Variants in CACNA1D observed in about 807,000 individuals in gnomAD.
CACNA1D encodes the protein calcium voltage-gated channel subunit alpha1 D.
A neutral mutation model predicts 257.1 loss-of-function variants in CACNA1D; 55 were observed. The ratio of observed to expected loss-of-function variants is 0.21; its 90% CI spans 0.17 to 0.27. CACNA1D has a LOEUF of 0.27. Ranked by LOEUF, CACNA1D falls within the 10% of genes least tolerant of loss-of-function variation. CACNA1D has a pLI of 1.00. For missense variants in CACNA1D, 1,876 were observed against 2,784.0 expected (o/e 0.67, Z 7.34); for synonymous variants, 980 against 1,014.9 (o/e 0.97, Z 0.65).
intron 3 of CACNA1D, among the ~76,000 whole-genome samples, chr3:53,540,254 GA>G (rs540649262): frequency 6.1e-4 from 93 of 151,730 alleles, no homozygotes; most frequent in African/African-American, 1.7e-3. Flanking sequence ...GAGTAGTGGG[GA>G]TTACAGACAT....
intron 4 of CACNA1D, among the ~76,000 whole-genome samples, chr3:53,656,534 C>T (rs2094149282): frequency 6.6e-6 from 1 of 151,894 alleles, no homozygotes; most frequent in African/African-American, 2.4e-5. Context: ...AGAGATGTCT[C>T]GGGACACAAA....
chr3:53,782,388 G>A (rs2095431056), intron 39 of CACNA1D: 1 of 151,388 alleles, frequency 6.6e-6, no homozygotes, highest in South Asian at 2.1e-4. Flanking sequence ...TAAAGGTGCA[G>A]GATCTGTTCA....
chr3:53,732,493 C>T (rs1412143087), intron 18 of CACNA1D, among the ~76,000 whole-genome samples: 4 of 152,160 alleles, frequency 2.6e-5, no homozygotes, highest in Non-Finnish European at 5.9e-5. Context: ...GAGGAGGTTA[C>T]TGGGGAAACA....
chr3:53,507,088 A>AC (rs2090884315), intron 3 of CACNA1D, among the ~76,000 whole-genome samples: 1 of 151,096 alleles, frequency 6.6e-6, no homozygotes, highest in South Asian at 2.1e-4. Context: ...AAAAAAAAAA[A>AC]AAAAACAAAA....
chr3:53,779,471 G>A (rs2095415045), intron 37 of CACNA1D, among the ~76,000 whole-genome samples: 1 of 151,940 alleles, frequency 6.6e-6, no homozygotes, highest in South Asian at 2.1e-4. Context: ...ACACACAGAG[G>A]TTTATCATGG....
At chr3:53,768,346 A>G (rs1428319117) in intron 30 of CACNA1D, among the ~76,000 whole-genome samples, 1 of 152,208 alleles carries the variant, frequency 6.6e-6, no homozygotes, top group Non-Finnish European at 1.5e-5. Context: ...AGGCAAGCAG[A>G]GGTGCACATG....
intron 40 of CACNA1D, chr3:53,790,912 CTTTT>C: frequency 1.5e-6 from 1 of 684,312 alleles, no homozygotes; most frequent in Admixed American, 2.2e-5. Context: ...AAATTTTTTT[CTTTT>C]TTTAATCTAA....
At chr3:53,501,586 C>T (rs769545031) in intron 2 of CACNA1D, 29 bp from the exon 3 acceptor site, 2 of 1,136,324 alleles carry the variant, frequency 1.8e-6, no homozygotes. Context: ...GTTTCCATAA[C>T]ACATATATAC....
chr3:53,566,438 G>A (rs1230816121), intron 3 of CACNA1D, among the ~76,000 whole-genome samples: 4 of 151,968 alleles, frequency 2.6e-5, no homozygotes, highest in African/African-American at 9.7e-5. Context: ...TCTCAGAGAG[G>A]TCCTCCCTGA....
intron 7 of CACNA1D, among the ~76,000 whole-genome samples, chr3:53,671,705 C>A (rs944961218): frequency 3.9e-5 from 6 of 152,182 alleles, no homozygotes; most frequent in East Asian, 1.9e-4. Context: ...AATGCCCTCT[C>A]CCTAGACTTC....
At chr3:53,791,217 C>T in intron 40 of CACNA1D, 1 of 567,858 alleles carries the variant, frequency 1.8e-6, no homozygotes, top group Non-Finnish European at 3.1e-6. Context: ...TCTGCGGAGC[C>T]AGGGCTGCCT....
intron 39 of CACNA1D, among the ~76,000 whole-genome samples, chr3:53,783,667 G>A (rs2095437797): frequency 6.6e-6 from 1 of 152,246 alleles, no homozygotes; most frequent in African/African-American, 2.4e-5. Flanking sequence ...TCCGAAGGCA[G>A]TGGCCATCAG....
At chr3:53,667,527 G>A (rs2094279541) in intron 7 of CACNA1D, among the ~76,000 whole-genome samples, 1 of 152,174 alleles carries the variant, frequency 6.6e-6, no homozygotes, top group African/African-American at 2.4e-5. Context: ...CAGAAGGCCT[G>A]TAAATTGATA....
intron 8 of CACNA1D, chr3:53,674,091 T>G: frequency 3.7e-6 from 2 of 542,124 alleles, no homozygotes; most frequent in South Asian, 4.1e-5. Flanking sequence ...GGATTACAAG[T>G]GAGTTAAAGG....
intron 26 of CACNA1D, among the ~76,000 whole-genome samples, chr3:53,748,370 G>C (rs904810685): frequency 1.2e-4 from 19 of 152,180 alleles, no homozygotes; most frequent in South Asian, 2.1e-4. Context: ...GTAAGAGTCA[G>C]ATATTTTCAG....
Position 53,732,356 on chromosome 3 carries a change from C to T in CACNA1D, c.2473+274C>T, listed in dbSNP as rs575184100. Among the ~76,000 whole-genome samples, 636 of 152,304 alleles carry T rather than the reference C, an allele frequency of 4.2e-3. 4 individuals carry two copies. Among genetic ancestry groups the T allele is most frequent in the African/African-American group, 0.015 (613 of 41,572 alleles). ...GGTCCAGGAGGCCCCCCGGTGTTAG[C>T]GCTCACCTGACACTTTTATATTTGA... On this transcript the variant is annotated intron_variant, in intron 18 of 47. Transcript: ENST00000350061.
intron 3 of CACNA1D, among the ~76,000 whole-genome samples, chr3:53,534,252 T>TCCCTGCCCCTCTCC (rs1304103257): frequency 6.6e-6 from 1 of 152,186 alleles, no homozygotes; most frequent in African/African-American, 2.4e-5. Context: ...AGGCCTCGCC[T>TCCCTGCCCCTCTCC]CCCTGCCCCT....
At chr3:53,671,948 A>C (rs2108403485) in intron 7 of CACNA1D, among the ~76,000 whole-genome samples, 1 of 152,370 alleles carries the variant, frequency 6.6e-6, no homozygotes, top group African/African-American at 2.4e-5. Context: ...GTGTTGTGGC[A>C]GGGTCATACC....
At chr3:53,513,061 T>G (rs1298197939) in intron 3 of CACNA1D, among the ~76,000 whole-genome samples, 2 of 152,160 alleles carry the variant, frequency 1.3e-5, no homozygotes, top group Non-Finnish European at 2.9e-5. Flanking sequence ...ATGCAGTGGG[T>G]CTTTCCTCAG....
Sources: allele counts gnomAD v4.1 joint callset (sites outside exome capture counted in the v4.1 genomes callset), GRCh38; gene constraint gnomAD v4.1.1; transcripts MANE v1.5; gene names NCBI Gene and HGNC (gene_info 2026-07-23, HGNC 2026-07-21).